Variants in HEATR4 observed in about 807,000 individuals in gnomAD.
HEATR4 encodes the protein HEAT repeat containing 4, also known as HEAT repeat-containing protein 4.
Under a neutral mutation model 108.8 loss-of-function variants are expected in HEATR4, and 95 were observed. That is an observed-to-expected ratio of 0.87 (90% CI 0.74 to 1.04). HEATR4 has a LOEUF of 1.04. HEATR4 is among the 50% of genes least tolerant of loss of function. The pLI, the probability that HEATR4 is intolerant of heterozygous loss-of-function variation, is 0.00. For missense variants in HEATR4, 1,152 were observed against 1,253.8 expected (o/e 0.92, Z 1.23); for synonymous variants, 443 against 459.4 (o/e 0.96, Z 0.46).
chr14:73,568,729 C>G, the HEATR4 span, among the ~76,000 whole-genome samples: 1 of 151,972 alleles, frequency 6.6e-6, no homozygotes, highest in Non-Finnish European at 1.5e-5. Context: ...AAATTACTAC[C>G]TATTACCCCA....
chr14:73,571,150 C>G, the HEATR4 span: 1 of 151,976 alleles, frequency 6.6e-6, no homozygotes, highest in Non-Finnish European at 1.5e-5. Flanking sequence ...TTCCTGCTGC[C>G]TAGCTCCCCG....
chr14:73,546,361 AT>A (rs549283883), intron 1 of HEATR4, among the ~76,000 whole-genome samples: 3,059 of 93,224 alleles, frequency 0.033, 610 homozygotes, highest in African/African-American at 0.071. Context: ...GACATTTCGT[AT>A]TTTTTTTTTT....
chr14:73,533,845 G>A (rs1254358697), intron 1 of HEATR4, among the ~76,000 whole-genome samples: 3 of 94,784 alleles, frequency 3.2e-5, no homozygotes, highest in Non-Finnish European at 6.5e-5. Flanking sequence ...GCCAGAGTTC[G>A]AGACCAGTCT....
At chr14:73,558,570 G>A (rs4903124) in intron 1 of HEATR4, among the ~76,000 whole-genome samples, 181 bp downstream of exon 1, 100,772 of 140,984 alleles carry the variant, frequency 0.71, 36,289 homozygotes, top group East Asian at 0.94. Context: ...TGCTCAGGCT[G>A]GTCTTGAACT....
chr14:73,514,018 T>C lies in HEATR4; in HGVS notation c.1414+13A>G, dbSNP rs1161311234. ...CACAAACGTACAGTATCACAGGACC[T>C]CCCTTCACTCACTCAGAGCCCAGGC... is the stretch of plus-strand genomic sequence containing the variant. On this transcript the variant is annotated intron_variant, in intron 6 of 17. Coordinates refer to ENST00000553558, the MANE Select transcript of HEATR4 (RefSeq NM_001220484.1). The C allele has an allele frequency of 1.9e-6, 3 of 1,613,354 alleles. No homozygotes were observed. The highest frequency in any genetic ancestry group is 2.5e-6 in the Non-Finnish European group (3 of 1,179,298).
chr14:73,550,133 C>T lies in HEATR4; in HGVS notation c.-152+8618G>A, dbSNP rs1365771243. 7.0e-5 allele frequency among the ~76,000 whole-genome samples: 8 copies of T among 113,588 alleles called. 3 individuals are homozygous for T. The highest frequency in any genetic ancestry group is 6.9e-4 in the Admixed American group (7 of 10,102). 74.5% of individuals were successfully genotyped at this position (113,588 alleles called of 152,430 possible). On this transcript the variant is annotated intron_variant, in intron 1 of 17. Coordinates refer to ENST00000553558, the MANE Select transcript of HEATR4 (RefSeq NM_001220484.1). The stretch of plus-strand genomic sequence containing the variant: ...GTCACAAGGTCATAGTTCCCCTTCA[C>T]TGCTCATAGATAACAACTGGAACAT...
the HEATR4 span, chr14:73,595,484 T>C: frequency 9.3e-6 from 15 of 1,613,952 alleles, no homozygotes; most frequent in South Asian, 1.3e-4. Context: ...CGAGCCTCCT[T>C]ACTTCCCCCT....
intron 14 of HEATR4, among the ~76,000 whole-genome samples, chr14:73,497,752 T>C (rs61987094): frequency 6.6e-6 from 1 of 151,880 alleles, no homozygotes; most frequent in Non-Finnish European, 1.5e-5. Flanking sequence ...TCAGCCTCCC[T>C]AGTAGCTGGG....
At chr14:73,591,921 T>C in the HEATR4 span, 1 of 1,352,364 alleles carries the variant, frequency 7.4e-7, no homozygotes, top group Non-Finnish European at 9.5e-7. Context: ...TGGACGGGTC[T>C]CGGGCCTCGA....
the HEATR4 span, among the ~76,000 whole-genome samples, chr14:73,607,038 A>G: frequency 6.6e-6 from 1 of 152,218 alleles, no homozygotes; most frequent in East Asian, 1.9e-4. Flanking sequence ...GAGGCCAGGC[A>G]CTGTGGCTCA....
the HEATR4 span, among the ~76,000 whole-genome samples, chr14:73,626,147 A>G: frequency 2.0e-5 from 3 of 152,248 alleles, no homozygotes; most frequent in East Asian, 1.9e-4. Flanking sequence ...TAGCCACAAC[A>G]TTCCCTTAAG....
chr14:73,619,123 C>A, the HEATR4 span: 1 of 1,366,950 alleles, frequency 7.3e-7, no homozygotes, highest in Non-Finnish European at 9.8e-7. Flanking sequence ...GAGCGAGACT[C>A]CATCTCAAAA....
chr14:73,570,217 G>C, the HEATR4 span, among the ~76,000 whole-genome samples: 13 of 151,820 alleles, frequency 8.6e-5, 1 homozygote. Context: ...AAGCTGATTG[G>C]GGAAGTGTCC....
intron 17 of HEATR4, among the ~76,000 whole-genome samples, chr14:73,481,511 A>G (rs1328946373): frequency 6.6e-6 from 1 of 152,032 alleles, no homozygotes; most frequent in East Asian, 1.9e-4. Flanking sequence ...TATAATTCCA[A>G]TTATATGACA....
chr14:73,561,345 G>A (rs556401690), upstream of HEATR4, among the ~76,000 whole-genome samples: 64 of 149,694 alleles, frequency 4.3e-4, no homozygotes, highest in Middle Eastern at 7.0e-3. Flanking sequence ...CAGCCCGGGC[G>A]ACAGAGCGAG....
At chr14:73,574,558 CG>C in the HEATR4 span, among the ~76,000 whole-genome samples, 3 of 151,950 alleles carry the variant, frequency 2.0e-5, no homozygotes, top group African/African-American at 7.2e-5. Flanking sequence ...CCACCACTCC[CG>C]GCCATGAGAT....
Position 73,519,133 on chromosome 14 carries a change from G to A in HEATR4, c.1100C>T (p.Ala367Val), listed in dbSNP as rs189779848. Residue 367 changes from alanine to valine, a missense_variant, in exon 5 of 18, where the codon GCA (alanine) becomes GTA (valine). Ala to Val is a moderately conservative substitution (Grantham distance 64). Coordinates refer to ENST00000553558, the MANE Select transcript of HEATR4 (RefSeq NM_001220484.1). ...TTCCAGGACAATCTGGTCTCTCTTTGCACCAATCTGGTGGATGATCTGGAC... is the reference window on the plus strand; with the variant it reads ...TTCCAGGACAATCTGGTCTCTCTTTACACCAATCTGGTGGATGATCTGGAC... ...DEVQIIHQIG[A>V]KRDQIVLENL... 15 of 1,613,582 alleles carry A rather than the reference G, an allele frequency of 9.3e-6. No individual in the cohort carries two copies. In the Admixed American group the frequency reaches 2.5e-4, roughly 27 times the overall value.
the HEATR4 span, among the ~76,000 whole-genome samples, chr14:73,572,503 G>A: frequency 1.0e-3 from 158 of 151,644 alleles, 1 homozygote; most frequent in Non-Finnish European, 9.9e-4. Context: ...ATACTATGAA[G>A]AAAACCAAGA....
chr14:73,542,538 G>A lies in HEATR4; in HGVS notation c.-151-12294C>T, dbSNP rs1462166498. 1.9e-5 allele frequency among the ~76,000 whole-genome samples: 2 copies of A among 105,248 alleles called. 1 individual carries two copies. The highest frequency in any genetic ancestry group is 6.5e-5 in the African/African-American group (2 of 30,738). The allele number at this position is 105,248 out of a possible 152,430, so 69.0% of individuals were successfully genotyped here. On this transcript the variant is annotated intron_variant, in intron 1 of 17. Transcript: ENST00000553558. ...TCCTGCCTCGGCCTCCTGAGTAGCT[G>A]GGACTACAGGCGCATGCCACTTCTG...
Sources: allele counts gnomAD v4.1 joint callset (sites outside exome capture counted in the v4.1 genomes callset), GRCh38; gene constraint gnomAD v4.1.1; transcripts MANE v1.5; gene names NCBI Gene and HGNC (gene_info 2026-07-23, HGNC 2026-07-21).